SRGAP3: variants seen among roughly 807,000 people sequenced by gnomAD.
SRGAP3 encodes SLIT-ROBO Rho GTPase activating protein 3, also known as SLIT-ROBO Rho GTPase-activating protein 3.
In SRGAP3, 39 loss-of-function variants were observed where a neutral mutation model predicts 121.1. The ratio of observed to expected loss-of-function variants is 0.32; its 90% CI spans 0.25 to 0.42. The LOEUF (loss-of-function observed/expected upper bound fraction) is 0.42. Among genes scored for constraint, SRGAP3 ranks in the 10% least tolerant of loss-of-function variants. The pLI is 1.00. For missense variants in SRGAP3, 1,213 were observed against 1,470.6 expected (o/e 0.82, Z 2.86); for synonymous variants, 601 against 570.0 (o/e 1.05, Z -0.77).
Position 9,056,114 on chromosome 3 carries a change from C to T in SRGAP3, c.1125+119G>A, listed in dbSNP as rs182515424. Reference sequence around the variant, plus strand: ...TGTGTGTGGTTTTAATGATCGTGTACTATTCCATCTTATAAGTGGAACTAT... The same window carrying T: ...TGTGTGTGGTTTTAATGATCGTGTATTATTCCATCTTATAAGTGGAACTAT... On this transcript the variant is annotated intron_variant, in intron 8 of 21. Transcript: ENST00000383836. The T allele has an allele frequency of 2.3e-3, 2,022 of 865,714 alleles. 4 individuals carry two copies. The highest frequency in any genetic ancestry group is 3.7e-3 in the Admixed American group (212 of 56,924). The allele number at this position is 865,714 out of a possible 1,614,324, so 53.6% of individuals were successfully genotyped here.
At chr3:9,336,680 G>C (rs1046992986) in intron 1 of SRGAP3, among the ~76,000 whole-genome samples, 8 of 152,304 alleles carry the variant, frequency 5.3e-5, no homozygotes, top group Non-Finnish European at 1.0e-4. Flanking sequence ...GGTATTTAGA[G>C]AGTGAGGAGA....
chr3:9,310,458 C>A (rs1453033688), intron 3 of SRGAP3, among the ~76,000 whole-genome samples: 1 of 152,082 alleles, frequency 6.6e-6, no homozygotes, highest in African/African-American at 2.4e-5. Context: ...CATCTTTGAC[C>A]ACAGAGACTG....
At chr3:9,135,799 T>A (rs1431948113) in intron 1 of SRGAP3, among the ~76,000 whole-genome samples, 2 of 152,218 alleles carry the variant, frequency 1.3e-5, no homozygotes, top group African/African-American at 2.4e-5. Flanking sequence ...GCTCACAAGT[T>A]CTGAGGACAG....
chr3:9,132,127 T>C (rs555711824), intron 1 of SRGAP3, among the ~76,000 whole-genome samples: 1 of 152,204 alleles, frequency 6.6e-6, no homozygotes, highest in East Asian at 1.9e-4. Context: ...CCATTTTAGG[T>C]TTACCAAAAA....
rs533555338 is a variant in SRGAP3 at position 9,310,625 on chromosome 3, T to G, written n.442+15385A>C. On this transcript the variant is annotated intron_variant and non_coding_transcript_variant, in intron 3 of 3. Coordinates refer to the SRGAP3 transcript ENST00000490889. ...AAGGTTACAAGGTCTGGAACTGCTA[T>G]AACCAGTTGATACCTCAAGAAAAGA... Among the ~76,000 whole-genome samples, 263 of 152,300 alleles carry G rather than the reference T, an allele frequency of 1.7e-3. 1 individual carries two copies. The highest frequency in any genetic ancestry group is 2.8e-3 in the Non-Finnish European group (192 of 68,038).
chr3:9,058,204 G>T, intron 7 of SRGAP3, 47 bp downstream of exon 7: 1 of 1,592,518 alleles, frequency 6.3e-7, no homozygotes, highest in Non-Finnish European at 8.6e-7. Context: ...GCACATGGGG[G>T]AACAGAGGGA....
At chr3:9,289,586 G>T (rs911344949) in intron 3 of SRGAP3, among the ~76,000 whole-genome samples, 1 of 151,720 alleles carries the variant, frequency 6.6e-6, no homozygotes, top group African/African-American at 2.4e-5. Flanking sequence ...GATTTTTTTT[G>T]GGGGGGCCCT....
chr3:9,020,814 G>A (rs1229402931), intron 14 of SRGAP3, among the ~76,000 whole-genome samples: 2 of 152,214 alleles, frequency 1.3e-5, no homozygotes, highest in African/African-American at 2.4e-5. Flanking sequence ...AGGAGAATTA[G>A]AGCTAAAATT....
At chr3:9,171,996 CATGGCCTTCTCCTTGTGT>C (rs1950995173) in intron 1 of SRGAP3, among the ~76,000 whole-genome samples, 1 of 152,036 alleles carries the variant, frequency 6.6e-6, no homozygotes, top group African/African-American at 2.4e-5. Context: ...TTCATGCTCC[CATGGCCTTCTCCTTGTGT>C]ATGTCTGTCT....
intron 18 of SRGAP3, among the ~76,000 whole-genome samples, 175 bp downstream of exon 18, chr3:9,010,133 A>G: frequency 6.6e-6 from 1 of 152,216 alleles, no homozygotes; most frequent in Non-Finnish European, 1.5e-5. Context: ...GGCCCATGCC[A>G]GGACTTGGGG....
intron 3 of SRGAP3, among the ~76,000 whole-genome samples, chr3:9,291,894 C>T (rs1954876088): frequency 1.3e-5 from 2 of 152,156 alleles, no homozygotes; most frequent in African/African-American, 4.8e-5. Context: ...TTATCACACT[C>T]AACTTAAGTT....
intron 3 of SRGAP3, among the ~76,000 whole-genome samples, chr3:9,317,980 T>C (rs1955376129): frequency 6.6e-6 from 1 of 152,256 alleles, no homozygotes; most frequent in East Asian, 1.9e-4. Context: ...CTTAATCTAC[T>C]GCACAGTTGT....
rs551268863 is a variant in SRGAP3, at chr3:8,980,868, T to A, written c.*4651A>T. Reference sequence around the variant, plus strand: ...AAATAGACCAGCCACTCTGAAGCAATCAGAATCAAACCTATTGCCAAACCA... The same window carrying A: ...AAATAGACCAGCCACTCTGAAGCAAACAGAATCAAACCTATTGCCAAACCA... On this transcript the variant is annotated 3_prime_UTR_variant, in exon 22 of 22. Transcript: ENST00000383836. 1.3e-5 allele frequency: 3 copies of A among 233,244 alleles called. No homozygotes were observed. In the East Asian group the frequency reaches 1.8e-4, roughly 14 times the overall value. 14.4% of individuals were successfully genotyped at this position (233,244 alleles called of 1,614,324 possible).
intron 1 of SRGAP3, among the ~76,000 whole-genome samples, chr3:9,347,796 C>A (rs1310759202): frequency 6.6e-6 from 1 of 152,206 alleles, no homozygotes; most frequent in African/African-American, 2.4e-5. Flanking sequence ...ATGTGGAAAT[C>A]TGATTTCCAC....
intron 4 of SRGAP3, among the ~76,000 whole-genome samples, chr3:9,072,865 CTG>C (rs2125240256): frequency 6.6e-6 from 1 of 152,346 alleles, no homozygotes; most frequent in South Asian, 2.1e-4. Flanking sequence ...ATGCTTCTCT[CTG>C]TGTATCTTCT....
At chr3:9,266,795 T>G (rs565919559) in intron 3 of SRGAP3, among the ~76,000 whole-genome samples, 2 of 152,282 alleles carry the variant, frequency 1.3e-5, no homozygotes, top group Admixed American at 1.3e-4. Flanking sequence ...GGGATGGTAA[T>G]GAGGCCTTAC....
chr3:9,133,003 CAT>C (rs1025243898), intron 1 of SRGAP3, among the ~76,000 whole-genome samples: 11 of 148,626 alleles, frequency 7.4e-5, no homozygotes, highest in African/African-American at 2.7e-4. Flanking sequence ...ATATATAAAA[CAT>C]ATATGTTATA....
At chr3:9,216,953 T>C (rs2125190935) in intron 1 of SRGAP3, 1 of 151,742 alleles carries the variant, frequency 6.6e-6, no homozygotes, top group South Asian at 2.1e-4. Flanking sequence ...ACGAGATGCC[T>C]AGAGGAGCCA....
In SRGAP3 at chr3:9,362,766, A is replaced by T. The variant is rs529412777; in HGVS notation, n.214+74T>A. The T allele has an allele frequency of 4.6e-5, 7 of 152,336 alleles. No individual in the cohort carries two copies. In the South Asian group the frequency reaches 1.5e-3, roughly 32 times the overall value. 9.4% of individuals were successfully genotyped at this position (152,336 alleles called of 1,614,324 possible). A position where few individuals can be genotyped will look rare whatever the true frequency, so the allele number is the denominator to read the frequency against. ...TGTCTCCAGCTTTAAAACAGAAATC[A>T]GTCTCTGCCACTTCATAGGTGCTAG... On this transcript the variant is annotated intron_variant and non_coding_transcript_variant, in intron 1 of 3. Coordinates refer to the SRGAP3 transcript ENST00000490889.
Sources: gnomAD v4.1 joint callset for allele counts (sites outside exome capture counted in the v4.1 genomes callset) on GRCh38, gnomAD v4.1.1 for gene constraint, MANE v1.5 for transcripts, NCBI Gene and HGNC (gene_info 2026-07-23, HGNC 2026-07-21) for gene names.